RBMS3: variants seen among roughly 807,000 people sequenced by gnomAD.
RBMS3 encodes the protein RNA-binding motif, single-stranded-interacting protein 3.
RBMS3 carries 27 observed loss-of-function variants against 66.8 expected under a neutral mutation model. The ratio of observed to expected loss-of-function variants is 0.40; its 90% CI spans 0.30 to 0.56. RBMS3 has a LOEUF of 0.56. Ranked by LOEUF, RBMS3 falls within the 20% of genes least tolerant of loss-of-function variation. The pLI is 0.40. For synonymous variants in RBMS3, 188 were observed against 183.0 expected, an observed-to-expected ratio of 1.03 and a Z score of -0.22; for missense variants, 513 against 549.5, an observed-to-expected ratio of 0.93 and a Z score of 0.66.
chr3:29,576,860 G>A (rs1446262509), intron 3 of RBMS3, among the ~76,000 whole-genome samples: 1 of 152,158 alleles, frequency 6.6e-6, no homozygotes, highest in Admixed American at 6.5e-5. Context: ...CCAAGCCTGA[G>A]ACTCACCCTT....
At chr3:29,630,770 T>G (rs1428423819) in intron 4 of RBMS3, among the ~76,000 whole-genome samples, 2 of 152,022 alleles carry the variant, frequency 1.3e-5, no homozygotes, top group African/African-American at 2.4e-5. Context: ...CAAGCAAATT[T>G]TTAAAACACT....
chr3:29,412,311 G>A (rs966194103), intron 1 of RBMS3, among the ~76,000 whole-genome samples: 4 of 152,254 alleles, frequency 2.6e-5, no homozygotes, highest in Admixed American at 1.3e-4. Flanking sequence ...CCCAGATGCT[G>A]TGGTTTTGTC....
chr3:29,335,220 A>G (rs1338250136), intron 1 of RBMS3, among the ~76,000 whole-genome samples: 1 of 152,000 alleles, frequency 6.6e-6, no homozygotes, highest in Non-Finnish European at 1.5e-5. Context: ...TGCCAGTTTT[A>G]TGATAGAGCA....
chr3:30,002,419 A>T (rs1699652611), intron 14 of RBMS3, among the ~76,000 whole-genome samples: 1 of 151,902 alleles, frequency 6.6e-6, no homozygotes, highest in South Asian at 2.1e-4. Context: ...ACACAACTAT[A>T]TAACCAAGAA....
At chr3:29,469,076 G>A (rs779375320) in intron 2 of RBMS3, among the ~76,000 whole-genome samples, 37 of 152,110 alleles carry the variant, frequency 2.4e-4, no homozygotes, top group Middle Eastern at 3.2e-3. Context: ...TAAGGTTACA[G>A]TTCAGCATTC....
chr3:29,850,264 G>C (rs899752964), intron 6 of RBMS3, among the ~76,000 whole-genome samples: 2 of 152,246 alleles, frequency 1.3e-5, no homozygotes, highest in African/African-American at 4.8e-5. Flanking sequence ...TAAGCTCCTA[G>C]GGTAGACTGA....
chr3:29,288,767 A>G (rs1311758693), intron 1 of RBMS3, among the ~76,000 whole-genome samples: 2 of 151,942 alleles, frequency 1.3e-5, no homozygotes, highest in African/African-American at 4.8e-5. Flanking sequence ...AAACCTACAA[A>G]TCCGCAAAAC....
intron 6 of RBMS3, among the ~76,000 whole-genome samples, chr3:29,857,875 TAATG>T (rs1162117005): frequency 6.6e-6 from 1 of 152,188 alleles, no homozygotes; most frequent in Non-Finnish European, 1.5e-5. Flanking sequence ...TATGGAAAGT[TAATG>T]ACATTTAGCT....
chr3:29,663,130 C>T (rs967536249), intron 4 of RBMS3, among the ~76,000 whole-genome samples: 4 of 152,160 alleles, frequency 2.6e-5, no homozygotes, highest in Non-Finnish European at 4.4e-5. Flanking sequence ...AGAGTAGGTA[C>T]TCAAAATATA....
chr3:29,551,355 A>G (rs1459462501), intron 3 of RBMS3, among the ~76,000 whole-genome samples: 1 of 152,220 alleles, frequency 6.6e-6, no homozygotes, highest in African/African-American at 2.4e-5. Context: ...CAGATTACAG[A>G]TAAATTTGTC....
intron 1 of RBMS3, among the ~76,000 whole-genome samples, chr3:29,318,809 G>A (rs72849600): frequency 0.031 from 4,677 of 151,926 alleles, 246 homozygotes; most frequent in African/African-American, 0.11. Flanking sequence ...TAAGAAATAT[G>A]CAAATCCATG....
chr3:29,420,405 A>G (rs1391073234), intron 1 of RBMS3, among the ~76,000 whole-genome samples: 1 of 152,116 alleles, frequency 6.6e-6, no homozygotes, highest in African/African-American at 2.4e-5. Context: ...GGGCAGTTGC[A>G]TCGCATTTCA....
chr3:29,865,252 G>A (rs1483690376), intron 6 of RBMS3, among the ~76,000 whole-genome samples: 3 of 152,064 alleles, frequency 2.0e-5, no homozygotes, highest in Admixed American at 2.0e-4. Flanking sequence ...GGAAATATGA[G>A]CCTATAGAAA....
chr3:29,809,830 A>G (rs2057677340), intron 6 of RBMS3, among the ~76,000 whole-genome samples: 1 of 152,074 alleles, frequency 6.6e-6, no homozygotes, highest in Non-Finnish European at 1.5e-5. Flanking sequence ...GAAGAAAATA[A>G]CTTTCAGTTT....
chr3:29,952,866 C>A (rs1386693957), intron 12 of RBMS3, among the ~76,000 whole-genome samples: 1 of 151,696 alleles, frequency 6.6e-6, no homozygotes, highest in Non-Finnish European at 1.5e-5. Context: ...GACTCCAGAT[C>A]CAGGAAATAT....
chr3:29,722,542 TA>T (rs2053684974), intron 4 of RBMS3, among the ~76,000 whole-genome samples: 1 of 152,124 alleles, frequency 6.6e-6, no homozygotes. Flanking sequence ...TCCTTTATAA[TA>T]AACAAAAAAT....
chr3:29,825,250 C>A (rs1038189783), intron 6 of RBMS3, among the ~76,000 whole-genome samples: 1 of 151,802 alleles, frequency 6.6e-6, no homozygotes, highest in Non-Finnish European at 1.5e-5. Flanking sequence ...TTGGCCAGAC[C>A]GGTCTTGAAC....
rs1174064368 is a variant in RBMS3, at chr3:30,008,277, T to C, written c.*4415T>C. On this transcript the variant is annotated 3_prime_UTR_variant, in exon 15 of 15. Transcript: ENST00000383767. ...TGTTAATAGGAGATTAAAATACATT[T>C]GGCAATTCATTTTCATTCTTAATTT... 4 of 152,094 alleles carry C rather than the reference T, an allele frequency of 2.6e-5. No individual in the cohort carries two copies. The highest frequency in any genetic ancestry group is 5.9e-5 in the Non-Finnish European group (4 of 67,976). 9.4% of individuals were successfully genotyped at this position (152,094 alleles called of 1,614,324 possible).
chr3:29,832,501 T>TTAG (rs142450825), intron 6 of RBMS3, among the ~76,000 whole-genome samples: 3 of 151,624 alleles, frequency 2.0e-5, no homozygotes, highest in African/African-American at 7.3e-5. Context: ...TTGAAGGGAA[T>TTAG]AAGAACGGTT....
Sources: gnomAD v4.1 joint callset for allele counts (sites outside exome capture counted in the v4.1 genomes callset) on GRCh38, gnomAD v4.1.1 for gene constraint, MANE v1.5 for transcripts, NCBI Gene and HGNC (gene_info 2026-07-23, HGNC 2026-07-21) for gene names.